NRXN1: variants seen among roughly 807,000 people sequenced by gnomAD.
The protein encoded by NRXN1 is neurexin 1.
A neutral mutation model predicts 150.9 loss-of-function variants in NRXN1; 39 were observed. The observed-to-expected ratio is 0.26, with a 90% CI of 0.20 to 0.34. NRXN1 has a LOEUF of 0.34. Ranked by LOEUF, NRXN1 falls within the 10% of genes least tolerant of loss-of-function variation. The pLI, the probability that NRXN1 is intolerant of heterozygous loss-of-function variation, is 1.00. For synonymous variants in NRXN1, 924 were observed against 757.0 expected (o/e 1.22, Z -3.62); for missense variants, 1,815 against 1,949.9 (o/e 0.93, Z 1.30).
At chr2:49,967,226 T>C (rs1677116759) in intron 21 of NRXN1, among the ~76,000 whole-genome samples, 1 of 152,102 alleles carries the variant, frequency 6.6e-6, no homozygotes. Flanking sequence ...ATATGACATA[T>C]TCACATTAGG....
intron 2 of NRXN1, chr2:50,964,101 G>C (rs376169256): frequency 3.4e-6 from 1 of 298,294 alleles, no homozygotes; most frequent in Non-Finnish European, 6.8e-6. Context: ...ATGTTATTTC[G>C]ACAACGATTA....
At chr2:50,122,418 C>T (rs1703985353) in intron 18 of NRXN1, among the ~76,000 whole-genome samples, 1 of 152,210 alleles carries the variant, frequency 6.6e-6, no homozygotes, top group South Asian at 2.1e-4. Flanking sequence ...CTCTAATTAA[C>T]TCAAGCTGAC....
chr2:50,900,730 C>T (rs991410538), intron 5 of NRXN1, among the ~76,000 whole-genome samples: 3 of 152,078 alleles, frequency 2.0e-5, no homozygotes, highest in Non-Finnish European at 2.9e-5. Flanking sequence ...TTCTGAGCAA[C>T]GGCATTCCGT....
At chr2:50,913,737 C>T (rs766362848) in intron 5 of NRXN1, among the ~76,000 whole-genome samples, 30 of 151,692 alleles carry the variant, frequency 2.0e-4, no homozygotes, top group South Asian at 4.2e-4. Context: ...ATCATGGGGT[C>T]GTAGGTACAT....
chr2:50,347,545 C>A lies in NRXN1; in HGVS notation c.3365-110575G>T. 1 of 1,043,928 alleles carries A rather than the reference C, an allele frequency of 9.6e-7. No homozygotes were observed. The highest frequency in any genetic ancestry group is 1.2e-6 in the Non-Finnish European group (1 of 865,058). The allele number at this position is 1,043,928 out of a possible 1,614,324, so 64.7% of individuals were successfully genotyped here. On this transcript the variant is annotated intron_variant, in intron 17 of 22. Coordinates refer to ENST00000401669, the MANE Select transcript of NRXN1 (RefSeq NM_001330078.2). The surrounding 1 kb of genome is among the most constrained non-coding windows in gnomAD (Gnocchi z 4.9). ...CCCGCTAGCGCCAGCCTCCCCCGGGCAGCGCGCGGAGCAGCGGCGCGCATC... is the reference window on the plus strand; with the variant it reads ...CCCGCTAGCGCCAGCCTCCCCCGGGAAGCGCGCGGAGCAGCGGCGCGCATC...
intron 21 of NRXN1, among the ~76,000 whole-genome samples, chr2:50,003,289 C>A (rs953894594): frequency 6.6e-6 from 1 of 152,100 alleles, no homozygotes; most frequent in African/African-American, 2.4e-5. Flanking sequence ...GAGCTAGTTA[C>A]TTTCAGCTGT....
intron 18 of NRXN1, among the ~76,000 whole-genome samples, chr2:50,209,789 A>G (rs1229699861): frequency 6.6e-6 from 1 of 152,078 alleles, no homozygotes; most frequent in Admixed American, 6.6e-5. Flanking sequence ...CAAATTATTT[A>G]CACTTGTTGC....
intron 17 of NRXN1, among the ~76,000 whole-genome samples, chr2:50,387,221 A>T (rs1472902234): frequency 2.0e-5 from 3 of 152,174 alleles, no homozygotes; most frequent in Non-Finnish European, 2.9e-5. Context: ...GAATGGAAAA[A>T]AGTTTCCTTT....
chr2:50,263,469 A>G (rs2068517934), intron 17 of NRXN1, among the ~76,000 whole-genome samples: 1 of 152,084 alleles, frequency 6.6e-6, no homozygotes, highest in Non-Finnish European at 1.5e-5. Context: ...GGTAGCTATT[A>G]GGTCTTCAAA....
chr2:50,234,260 G>A (rs1042223780), intron 18 of NRXN1, among the ~76,000 whole-genome samples: 1 of 152,114 alleles, frequency 6.6e-6, no homozygotes, highest in Non-Finnish European at 1.5e-5. Context: ...TTGGGAGGCA[G>A]AAGCAGTTGG....
intron 17 of NRXN1, among the ~76,000 whole-genome samples, chr2:50,336,186 G>A (rs927479071): frequency 3.3e-5 from 5 of 152,254 alleles, no homozygotes; most frequent in Admixed American, 6.5e-5. Flanking sequence ...TGTGTGAAAT[G>A]CCAGTAAATA....
chr2:50,711,799 C>T (rs1695198941), intron 5 of NRXN1, among the ~76,000 whole-genome samples: 1 of 152,114 alleles, frequency 6.6e-6, no homozygotes, highest in South Asian at 2.1e-4. Flanking sequence ...ATTAGTGCCT[C>T]TTTATAACGG....
In NRXN1 at chr2:50,515,600, G is replaced by GGTGTGTGT. The variant is rs60612860; in HGVS notation, c.2375-8991_2375-8984dup. On this transcript the variant is annotated intron_variant, in intron 12 of 22. Coordinates refer to ENST00000401669, the MANE Select transcript of NRXN1 (RefSeq NM_001330078.2). ...ATAGAAACATTCATTAAATGCTTGG[G>GGTGTGTGT]GTGTGTGTGTGTGTGTGTGTGTGTG... Among the ~76,000 whole-genome samples the GGTGTGTGT allele has an allele frequency of 6.1e-3, 880 of 143,492 alleles. 6 individuals are homozygous for GGTGTGTGT. Among genetic ancestry groups the GGTGTGTGT allele is most frequent in the African/African-American group, 0.019 (752 of 38,710 alleles). The allele number at this position is 143,492 out of a possible 152,430, so 94.1% of individuals were successfully genotyped here.
chr2:50,703,159 G>T (rs1433682711), intron 5 of NRXN1, among the ~76,000 whole-genome samples: 1 of 152,050 alleles, frequency 6.6e-6, no homozygotes. Context: ...ATAGAAGCTA[G>T]ATCTTCCTAA....
intron 5 of NRXN1, among the ~76,000 whole-genome samples, chr2:50,761,141 T>G (rs1418023131): frequency 1.3e-5 from 2 of 151,968 alleles, no homozygotes; most frequent in African/African-American, 4.8e-5. Context: ...CCATTCCCGT[T>G]TGGGCTTTCT....
intron 2 of NRXN1, among the ~76,000 whole-genome samples, chr2:50,942,844 T>A (rs905498892): frequency 9.2e-5 from 14 of 152,276 alleles, no homozygotes; most frequent in Non-Finnish European, 1.8e-4. Flanking sequence ...GGGGGACTGT[T>A]GGGAAGGCAT....
intron 17 of NRXN1, among the ~76,000 whole-genome samples, chr2:50,288,843 T>C (rs1202259220): frequency 2.0e-5 from 3 of 152,112 alleles, no homozygotes; most frequent in South Asian, 4.1e-4. Context: ...ATATCTCCTT[T>C]TAAAGAGGTG....
chr2:50,340,151 GTGA>G (rs1437857175), intron 17 of NRXN1, among the ~76,000 whole-genome samples: 1 of 152,178 alleles, frequency 6.6e-6, no homozygotes, highest in Non-Finnish European at 1.5e-5. Context: ...TGCCGTGGTT[GTGA>G]TGATGATTAA....
intron 5 of NRXN1, among the ~76,000 whole-genome samples, chr2:50,752,790 C>T (rs573063475): frequency 6.6e-6 from 1 of 151,686 alleles, no homozygotes; most frequent in Non-Finnish European, 1.5e-5. Context: ...CCAGGGCTTT[C>T]TGCATTTCTT....
Sources: gnomAD v4.1 joint callset for allele counts (sites outside exome capture counted in the v4.1 genomes callset) on GRCh38, gnomAD v4.1.1 for gene constraint, Gnocchi (gnomAD v3.1) non-coding constraint, MANE v1.5 for transcripts, NCBI Gene and HGNC (gene_info 2026-07-23, HGNC 2026-07-21) for gene names.